The following WDR70 variants were observed in gnomAD, a reference collection of about 807,000 sequenced individuals.
The protein encoded by WDR70 is WD repeat-containing protein 70.
Under a neutral mutation model 88.6 loss-of-function variants are expected in WDR70, and 53 were observed. The ratio of observed to expected loss-of-function variants is 0.60; its 90% CI spans 0.48 to 0.75. The LOEUF is 0.75. Ranked by LOEUF, WDR70 falls within the 30% of genes least tolerant of loss-of-function variation. WDR70 has a pLI of 0.00. For synonymous variants in WDR70, 280 were observed against 270.0 expected (o/e 1.04, Z -0.36); for missense variants, 610 against 823.2 (o/e 0.74, Z 3.17).
chr5:37,727,156 GA>G, intron 17 of WDR70, 111 bp downstream of exon 17: 4 of 1,341,516 alleles, frequency 3.0e-6, no homozygotes, highest in Non-Finnish European at 3.0e-6. Context: ...TTCATACTTA[GA>G]TATGAAAAAT....
intron 10 of WDR70, among the ~76,000 whole-genome samples, chr5:37,670,257 G>A (rs115065824): frequency 6.6e-4 from 100 of 152,242 alleles, no homozygotes; most frequent in African/African-American, 2.4e-3. Flanking sequence ...TTGGACTACT[G>A]CACGATGCTA....
intron 10 of WDR70, among the ~76,000 whole-genome samples, chr5:37,643,554 A>G (rs1323074603): frequency 1.3e-5 from 2 of 151,752 alleles, no homozygotes; most frequent in Admixed American, 6.6e-5. Flanking sequence ...TAGGGATTGC[A>G]TTGAATCTGT....
chr5:37,523,240 A>C (rs886834662), intron 9 of WDR70, among the ~76,000 whole-genome samples: 6 of 152,230 alleles, frequency 3.9e-5, no homozygotes, highest in African/African-American at 1.4e-4. Flanking sequence ...CAATAGGGGC[A>C]GACTGACAAC....
chr5:37,416,474 G>A (rs576216216), intron 5 of WDR70, among the ~76,000 whole-genome samples: 4 of 152,094 alleles, frequency 2.6e-5, no homozygotes, highest in South Asian at 2.1e-4. Context: ...GTCCAGCTTC[G>A]GCTCGGCATC....
intron 13 of WDR70, among the ~76,000 whole-genome samples, chr5:37,711,064 CAAAAT>C (rs1319189773): frequency 6.6e-6 from 1 of 151,976 alleles, no homozygotes; most frequent in Non-Finnish European, 1.5e-5. Flanking sequence ...ATGGAAAAAA[CAAAAT>C]GAAACAGTAC....
chr5:37,706,226 A>T (rs1747316759), intron 13 of WDR70, among the ~76,000 whole-genome samples: 2 of 152,156 alleles, frequency 1.3e-5, no homozygotes, highest in African/African-American at 4.8e-5. Context: ...TAGATTCTCA[A>T]GTCTGTTTGC....
At chr5:37,452,630 A>C (rs180757869) in intron 7 of WDR70, among the ~76,000 whole-genome samples, 7 of 152,366 alleles carry the variant, frequency 4.6e-5, no homozygotes, top group South Asian at 2.1e-4. Context: ...ACACATGCCT[A>C]TAACTCAGCT....
At position 37,699,856 on chromosome 5, in the gene WDR70, G is replaced by A. The variant is rs538028873; in HGVS notation, c.1193-1202G>A. On this transcript the variant is annotated intron_variant, in intron 11 of 17. Coordinates refer to ENST00000265107, the MANE Select transcript of WDR70 (RefSeq NM_018034.4). ...CCAGCTACTCGGGAGGCTGAGGCAG[G>A]AGAATCACTTGAACCTGGAGGCTGA... Among the ~76,000 whole-genome samples the A allele has an allele frequency of 1.4e-3, 219 of 151,890 alleles. 6 individuals are homozygous for A. The South Asian group carries it at 0.043, about 30-fold the overall frequency.
chr5:37,396,185 G>T (rs201020284), intron 4 of WDR70, among the ~76,000 whole-genome samples, 190 bp from the exon 5 acceptor site: 2 of 151,826 alleles, frequency 1.3e-5, no homozygotes, highest in Admixed American at 6.6e-5. Flanking sequence ...GCGTAAGACG[G>T]TTTTTTTTAA....
At chr5:37,497,645 G>A (rs1188212765) in intron 8 of WDR70, among the ~76,000 whole-genome samples, 4 of 151,828 alleles carry the variant, frequency 2.6e-5, no homozygotes, top group South Asian at 2.1e-4. Flanking sequence ...GTTTGCCCTC[G>A]ATAATAGGTA....
intron 8 of WDR70, among the ~76,000 whole-genome samples, chr5:37,514,777 G>A (rs1254450748): frequency 6.6e-6 from 1 of 152,092 alleles, no homozygotes; most frequent in African/African-American, 2.4e-5. Context: ...AGCACTTTGG[G>A]AGGCGAGGCA....
At chr5:37,393,485 G>T (rs1035299259) in intron 4 of WDR70, among the ~76,000 whole-genome samples, 3 of 151,996 alleles carry the variant, frequency 2.0e-5, no homozygotes, top group Non-Finnish European at 2.9e-5. Flanking sequence ...TACTTTTTAT[G>T]TAGGTGTTTA....
chr5:37,604,005 T>C, intron 9 of WDR70, among the ~76,000 whole-genome samples: 1 of 152,180 alleles, frequency 6.6e-6, no homozygotes, highest in Non-Finnish European at 1.5e-5. Flanking sequence ...TAGTGCATTG[T>C]TTTTTACCAT....
At chr5:37,597,263 T>A (rs1275169232) in intron 9 of WDR70, among the ~76,000 whole-genome samples, 1 of 152,194 alleles carries the variant, frequency 6.6e-6, no homozygotes, top group East Asian at 1.9e-4. Context: ...TTTAACTTTA[T>A]AAGAAACTGT....
intron 2 of WDR70, among the ~76,000 whole-genome samples, chr5:37,380,448 C>A (rs967958556): frequency 6.6e-6 from 1 of 151,956 alleles, no homozygotes; most frequent in Non-Finnish European, 1.5e-5. Flanking sequence ...ACGCCATTCT[C>A]CGGTCTCAGC....
intron 4 of WDR70, among the ~76,000 whole-genome samples, chr5:37,392,511 G>A (rs1429760977): frequency 2.6e-5 from 4 of 151,886 alleles, no homozygotes; most frequent in Non-Finnish European, 4.4e-5. Flanking sequence ...TACCACGGCC[G>A]GCTAATTCTT....
intron 9 of WDR70, among the ~76,000 whole-genome samples, chr5:37,586,927 T>C (rs557795817): frequency 1.0e-3 from 157 of 152,326 alleles, no homozygotes; most frequent in African/African-American, 3.3e-3. Flanking sequence ...AACTTGCTAT[T>C]GCCACTTCTA....
At chr5:37,602,065 G>T (rs1223459197) in intron 9 of WDR70, among the ~76,000 whole-genome samples, 1 of 147,726 alleles carries the variant, frequency 6.8e-6, no homozygotes, top group Non-Finnish European at 1.5e-5. Flanking sequence ...ACTGGGGCCT[G>T]TCGGGGGGTG....
chr5:37,608,222 A>G (rs892687484), intron 10 of WDR70, among the ~76,000 whole-genome samples: 4 of 151,748 alleles, frequency 2.6e-5, no homozygotes, highest in African/African-American at 9.7e-5. Flanking sequence ...TTGTATTTTT[A>G]GTAGAGAGGG....
Sources: allele counts gnomAD v4.1 joint callset (sites outside exome capture counted in the v4.1 genomes callset), GRCh38; gene constraint gnomAD v4.1.1; transcripts MANE v1.5; gene names NCBI Gene and HGNC (gene_info 2026-07-23, HGNC 2026-07-21).